TMEM132D: variants seen among roughly 807,000 people sequenced by gnomAD.
TMEM132D encodes the protein mature OL transmembrane protein.
Under a neutral mutation model 62.3 loss-of-function variants are expected in TMEM132D, and 21 were observed. That is an observed-to-expected ratio of 0.34 (90% confidence interval 0.24 to 0.49). The LOEUF (loss-of-function observed/expected upper bound fraction) is 0.49. Ranked by LOEUF, TMEM132D falls within the 20% of genes least tolerant of loss-of-function variation. The pLI is 0.99. For synonymous variants in TMEM132D, 621 were observed against 575.6 expected (o/e 1.08, Z -1.13); for missense variants, 1,346 against 1,402.8 (o/e 0.96, Z 0.65).
At chr12:129,312,254 C>T (rs1458257996) in intron 4 of TMEM132D, among the ~76,000 whole-genome samples, 2 of 152,098 alleles carry the variant, frequency 1.3e-5, no homozygotes, top group Non-Finnish European at 2.9e-5. Flanking sequence ...ATCAGCACCA[C>T]GGAGAACTCC....
intron 2 of TMEM132D, among the ~76,000 whole-genome samples, chr12:129,574,673 A>G (rs1279990214): frequency 6.6e-6 from 1 of 151,800 alleles, no homozygotes; most frequent in African/African-American, 2.4e-5. Flanking sequence ...CCAGGCTCAC[A>G]TAAGCCGTCA....
At chr12:129,169,556 T>C (rs1173481013) in intron 5 of TMEM132D, among the ~76,000 whole-genome samples, 2 of 152,230 alleles carry the variant, frequency 1.3e-5, no homozygotes, top group Non-Finnish European at 2.9e-5. Context: ...TACTTGGTTG[T>C]TCTGTTATCT....
At chr12:129,425,406 C>CTTTTTT (rs5801854) in intron 3 of TMEM132D, among the ~76,000 whole-genome samples, 2 of 138,950 alleles carry the variant, frequency 1.4e-5, no homozygotes, top group Non-Finnish European at 1.6e-5. Context: ...GATGCTTGCA[C>CTTTTTT]TTTTTTTTTT....
Position 129,516,473 on chromosome 12 carries a change from T to C in TMEM132D, c.1115+14586A>G, listed in dbSNP as rs144426149. 5.3e-5 allele frequency among the ~76,000 whole-genome samples: 8 copies of C among 152,224 alleles called. No individual in the cohort carries two copies. The East Asian group carries it at 7.7e-4, about 15-fold the overall frequency. ...ATCATGGCAGAAGGTGAAAGGCACA[T>C]CTTACATGGTGGCAGACAGGAGAGA... On this transcript the variant is annotated intron_variant, in intron 3 of 8. Transcript: ENST00000422113.
chr12:129,828,414 A>T (rs1485605016), intron 1 of TMEM132D, among the ~76,000 whole-genome samples: 2 of 152,026 alleles, frequency 1.3e-5, no homozygotes, highest in African/African-American at 4.8e-5. Context: ...TTATCTTTAT[A>T]AATAATGTTA....
chr12:129,204,639 G>A (rs547574438), intron 5 of TMEM132D, among the ~76,000 whole-genome samples: 1 of 152,286 alleles, frequency 6.6e-6, no homozygotes, highest in South Asian at 2.1e-4. Flanking sequence ...CCCCAACTTT[G>A]CTAGATATGC....
At chr12:129,664,973 G>A (rs1195882681) in intron 2 of TMEM132D, among the ~76,000 whole-genome samples, 1 of 152,066 alleles carries the variant, frequency 6.6e-6, no homozygotes, top group Non-Finnish European at 1.5e-5. Context: ...CTATTATGTG[G>A]TTGAGGATCA....
chr12:129,290,672 G>T (rs749695043), intron 4 of TMEM132D, among the ~76,000 whole-genome samples: 1 of 152,168 alleles, frequency 6.6e-6, no homozygotes, highest in African/African-American at 2.4e-5. Context: ...AGGGGACAAG[G>T]TTTCAGGATG....
intron 1 of TMEM132D, among the ~76,000 whole-genome samples, chr12:129,728,229 A>G (rs1869107427): frequency 6.6e-6 from 1 of 152,234 alleles, no homozygotes. Context: ...CAGGGGTGAA[A>G]TCCATCAGCA....
At chr12:129,133,644 T>C (rs1238780064) in intron 5 of TMEM132D, among the ~76,000 whole-genome samples, 1 of 152,256 alleles carries the variant, frequency 6.6e-6, no homozygotes, top group Non-Finnish European at 1.5e-5. Flanking sequence ...CATCTGTTGC[T>C]TTTGTCTTTC....
At chr12:129,579,265 T>C (rs377059398) in intron 2 of TMEM132D, among the ~76,000 whole-genome samples, 40 of 152,348 alleles carry the variant, frequency 2.6e-4, no homozygotes, top group African/African-American at 8.4e-4. Flanking sequence ...ACCTACCTTC[T>C]TTCACCTATC....
At chr12:129,385,738 T>C (rs1269863140) in intron 3 of TMEM132D, among the ~76,000 whole-genome samples, 1 of 152,234 alleles carries the variant, frequency 6.6e-6, no homozygotes, top group African/African-American at 2.4e-5. Flanking sequence ...GTTTGAACTG[T>C]TTGCTCAGAA....
At chr12:129,480,894 T>G (rs1295533033) in intron 3 of TMEM132D, among the ~76,000 whole-genome samples, 1 of 152,174 alleles carries the variant, frequency 6.6e-6, no homozygotes, top group African/African-American at 2.4e-5. Flanking sequence ...GGCAAGAATT[T>G]TCACTGCAGC....
chr12:129,440,216 A>T (rs757752209), intron 3 of TMEM132D, among the ~76,000 whole-genome samples: 3 of 152,220 alleles, frequency 2.0e-5, no homozygotes, highest in East Asian at 3.9e-4. Flanking sequence ...TGGAGTATCC[A>T]TGATAACATG....
chr12:129,632,543 T>C (rs1019211445), intron 2 of TMEM132D, among the ~76,000 whole-genome samples: 1 of 152,148 alleles, frequency 6.6e-6, no homozygotes, highest in African/African-American at 2.4e-5. Flanking sequence ...TTACCTCCTG[T>C]CTCCTCCTGG....
intron 1 of TMEM132D, among the ~76,000 whole-genome samples, chr12:129,754,344 C>A (rs1054355530): frequency 6.6e-6 from 1 of 152,180 alleles, no homozygotes; most frequent in Non-Finnish European, 1.5e-5. Context: ...CATAGCAAGA[C>A]AATCAGAGAG....
chr12:129,340,311 C>CT (rs201953960), intron 3 of TMEM132D, among the ~76,000 whole-genome samples: 2,574 of 151,314 alleles, frequency 0.017, 83 homozygotes, highest in African/African-American at 0.059. Flanking sequence ...AATTCTTTTT[C>CT]TTTTTTTTTA....
chr12:129,707,240 GTA>G (rs969255408), intron 1 of TMEM132D, among the ~76,000 whole-genome samples: 1 of 147,442 alleles, frequency 6.8e-6, no homozygotes, highest in African/African-American at 2.5e-5. Flanking sequence ...TATAATACAT[GTA>G]TATATGTGTA....
At chr12:129,672,670 A>G (rs12301589) in intron 2 of TMEM132D, among the ~76,000 whole-genome samples, 12,642 of 152,248 alleles carry the variant, frequency 0.083, 1,593 homozygotes, top group African/African-American at 0.27. Context: ...GAGCTTTGAC[A>G]ATTTTATAGG....
Sources: allele counts gnomAD v4.1 joint callset (sites outside exome capture counted in the v4.1 genomes callset), GRCh38; gene constraint gnomAD v4.1.1; transcripts MANE v1.5; gene names NCBI Gene and HGNC (gene_info 2026-07-23, HGNC 2026-07-21).